Variants in TUBGCP3 observed in about 807,000 individuals in gnomAD.
The protein encoded by TUBGCP3 is tubulin gamma complex component 3, also known as gamma-tubulin complex component 3.
Under a neutral mutation model 123.1 loss-of-function variants are expected in TUBGCP3, and 50 were observed. The observed-to-expected ratio is 0.41, with a 90% confidence interval of 0.32 to 0.51. The LOEUF (loss-of-function observed/expected upper bound fraction) is 0.51. Ranked by LOEUF, TUBGCP3 falls within the 20% of genes least tolerant of loss-of-function variation. TUBGCP3 has a pLI of 0.36. For missense variants in TUBGCP3, 882 were observed against 1,127.0 expected (o/e 0.78, Z 3.11); for synonymous variants, 405 against 413.9 (o/e 0.98, Z 0.26).
Position 112,500,187 on chromosome 13 carries a change from T to G in TUBGCP3, c.2308-1002A>C, listed in dbSNP as rs11842883. On this transcript the variant is annotated intron_variant, in intron 19 of 21. Transcript: ENST00000261965. ...TAACAGTCTGAGGGCTGAGCGGGGG[T>G]TAATTTCAATAGTGCAGAAGAAAAT... Among the ~76,000 whole-genome samples the G allele has an allele frequency of 9.2e-3, 1,399 of 152,282 alleles. 16 individuals are homozygous for G. Among genetic ancestry groups the G allele is most frequent in the African/African-American group, 0.032 (1,329 of 41,550 alleles).
chr13:112,542,204 C>CT (rs916888902), intron 11 of TUBGCP3, among the ~76,000 whole-genome samples: 21 of 152,322 alleles, frequency 1.4e-4, no homozygotes, highest in South Asian at 1.2e-3. Flanking sequence ...CACAAGATCA[C>CT]TTAGACTCCC....
chr13:112,507,593 T>C (rs1441122799), intron 17 of TUBGCP3, among the ~76,000 whole-genome samples: 2 of 152,220 alleles, frequency 1.3e-5, no homozygotes, highest in African/African-American at 2.4e-5. Flanking sequence ...CTGGGTGCTC[T>C]GTGGGTGACA....
chr13:112,493,277 A>G (rs1438357402), intron 20 of TUBGCP3, among the ~76,000 whole-genome samples: 1 of 129,930 alleles, frequency 7.7e-6, no homozygotes, highest in African/African-American at 3.0e-5. Context: ...CGCTCTAGCT[A>G]TGGGAACGAG....
intron 20 of TUBGCP3, among the ~76,000 whole-genome samples, chr13:112,497,263 T>C (rs1452424311): frequency 1.3e-5 from 2 of 152,154 alleles, no homozygotes; most frequent in African/African-American, 4.8e-5. Context: ...TAGAGTTAGG[T>C]AGAATCGTGA....
the TUBGCP3 span, among the ~76,000 whole-genome samples, chr13:112,597,663 A>T: frequency 1.3e-5 from 2 of 152,226 alleles, no homozygotes; most frequent in South Asian, 4.1e-4. Context: ...ACTAAAAAAC[A>T]TTAACTGAAA....
At chr13:112,496,848 T>C (rs929559672) in intron 20 of TUBGCP3, among the ~76,000 whole-genome samples, 71 of 152,202 alleles carry the variant, frequency 4.7e-4, no homozygotes, top group African/African-American at 1.7e-3. Context: ...TAGCCGGGCA[T>C]GGTGGCAGGC....
Position 112,519,862 on chromosome 13 carries a change from TC to T in TUBGCP3, c.1881+23del, listed in dbSNP as rs1418339470. On this transcript the variant is annotated intron_variant, in intron 15 of 21. Transcript: ENST00000261965. This position sits in a 1 kb window ranked among gnomAD's most constrained non-coding sequence, Gnocchi z 6.2. ...TGGGTCCTCGGTGCCGGGGCGGCGTTCCCAACACGCAGAGCCGCAGTACCTC... is the reference window on the plus strand; with the variant it reads ...TGGGTCCTCGGTGCCGGGGCGGCGTTCCAACACGCAGAGCCGCAGTACCTC... 6.2e-7 allele frequency: 1 copy of T among 1,605,950 alleles called. No individual in the cohort carries two copies. Among genetic ancestry groups the T allele is most frequent in the Admixed American group, 1.7e-5 (1 of 59,362 alleles).
chr13:112,568,885 C>T (rs143407088), intron 2 of TUBGCP3, among the ~76,000 whole-genome samples: 665 of 152,308 alleles, frequency 4.4e-3, no homozygotes, highest in Non-Finnish European at 7.1e-3. Context: ...AACCTACTCA[C>T]CAACCAAAAG....
At chr13:112,505,511 A>AG (rs1478747119) in intron 17 of TUBGCP3, among the ~76,000 whole-genome samples, 1 of 152,372 alleles carries the variant, frequency 6.6e-6, no homozygotes, top group African/African-American at 2.4e-5. Context: ...GCCTCCTCTC[A>AG]AGACAGTAAA....
At chr13:112,562,954 C>T (rs935976711) in intron 3 of TUBGCP3, among the ~76,000 whole-genome samples, 1 of 152,222 alleles carries the variant, frequency 6.6e-6, no homozygotes, top group Non-Finnish European at 1.5e-5. Flanking sequence ...GCACCACCTA[C>T]CATGCCGCCA....
intron 13 of TUBGCP3, among the ~76,000 whole-genome samples, chr13:112,525,702 C>T (rs1374110243): frequency 2.0e-5 from 3 of 152,192 alleles, no homozygotes; most frequent in Non-Finnish European, 4.4e-5. Context: ...ACAGGCTGAA[C>T]GCTCATGCGA....
intron 4 of TUBGCP3, 107 bp from the exon 5 acceptor site, chr13:112,558,520 GA>G: frequency 1.0e-6 from 1 of 977,008 alleles, no homozygotes; most frequent in Non-Finnish European, 1.5e-6. Context: ...TCTGTAACTG[GA>G]TTTGGGTTCC....
intron 20 of TUBGCP3, among the ~76,000 whole-genome samples, chr13:112,492,269 G>T (rs1327668874): frequency 1.3e-5 from 2 of 152,074 alleles, no homozygotes; most frequent in African/African-American, 4.8e-5. Context: ...AATATCTTTT[G>T]ATGCTTGGTT....
chr13:112,499,055 C>G lies in TUBGCP3; in HGVS notation c.2438G>C (p.Arg813Pro). The part of the protein sequence containing the change: ...RLQFEEKKKQ[R>P]EIEGQWGVTA... ...GTGTAAAGACCATACCTCAATTTCACGCTGTTTCTTTTTCTCTTCAAACTG... is the reference window on the plus strand; with the variant it reads ...GTGTAAAGACCATACCTCAATTTCAGGCTGTTTCTTTTTCTCTTCAAACTG... The change falls in exon 20 of 22, where the codon CGT (arginine) becomes CCT (proline). Residue 813 changes from arginine (R) to proline (P), a missense_variant. This residue lies in a region of TUBGCP3 where 160 missense variants were observed against 220.3 expected (regional missense o/e 0.73). Coordinates refer to ENST00000261965, the MANE Select transcript of TUBGCP3 (RefSeq NM_006322.6). 1 of 1,614,150 alleles carries G rather than the reference C, an allele frequency of 6.2e-7. No individual in the cohort carries two copies.
intron 3 of TUBGCP3, among the ~76,000 whole-genome samples, chr13:112,559,618 T>TTAA (rs1305242296): frequency 6.6e-6 from 1 of 152,206 alleles, no homozygotes; most frequent in Non-Finnish European, 1.5e-5. Flanking sequence ...TTTCCTTCCC[T>TTAA]TATTAACTAG....
rs996474373 is a variant in TUBGCP3 at position 112,485,872 on chromosome 13, G to A, written c.*121C>T. ...ACACGCCGCTCCGCTGAAACATGGC[G>A]CACTCGTGGGCGGAAGGGCAGGACA... On this transcript the variant is annotated 3_prime_UTR_variant, in exon 22 of 22. Coordinates refer to ENST00000261965, the MANE Select transcript of TUBGCP3 (RefSeq NM_006322.6). The A allele has an allele frequency of 2.0e-5, 17 of 864,072 alleles. No individual in the cohort carries two copies. Among genetic ancestry groups the A allele is most frequent in the South Asian group, 1.1e-4 (6 of 56,086 alleles). 53.5% of individuals were successfully genotyped at this position (864,072 alleles called of 1,614,324 possible).
the TUBGCP3 span, chr13:112,603,652 G>C: frequency 2.0e-5 from 3 of 152,250 alleles, no homozygotes; most frequent in African/African-American, 7.2e-5. Flanking sequence ...CTTGAACCCG[G>C]AAGGCAGAGG....
At chr13:112,584,299 G>C (rs1407738687) in intron 1 of TUBGCP3, 3 of 152,146 alleles carry the variant, frequency 2.0e-5, no homozygotes, top group African/African-American at 7.2e-5. Flanking sequence ...TACCATATTA[G>C]AAATTTAAGC....
At position 112,545,514 on chromosome 13, in the gene TUBGCP3, T is replaced by G. The variant is rs903246984; in HGVS notation, c.1335+185A>C. 2.3e-5 allele frequency: 14 copies of G among 601,150 alleles called. No individual in the cohort carries two copies. The Admixed American group carries it at 2.9e-4, about 13-fold the overall frequency. 37.2% of individuals were successfully genotyped at this position (601,150 alleles called of 1,614,324 possible). ...TCCACTAACCAAAGAACTCGTGAACTTATCTGCTGTTCAGTGAGATAACCA... is the reference window on the plus strand; with the variant it reads ...TCCACTAACCAAAGAACTCGTGAACGTATCTGCTGTTCAGTGAGATAACCA... On this transcript the variant is annotated intron_variant, in intron 11 of 21. Transcript: ENST00000261965. The surrounding 1 kb of genome is among the most constrained non-coding windows in gnomAD (Gnocchi z 4.1).
Sources: allele counts gnomAD v4.1 joint callset (sites outside exome capture counted in the v4.1 genomes callset), GRCh38; gene constraint gnomAD v4.1.1; regional missense constraint gnomAD v4.1.1; non-coding constraint Gnocchi (gnomAD v3.1); transcripts MANE v1.5; gene names NCBI Gene and HGNC (gene_info 2026-07-23, HGNC 2026-07-21).